Variants in EPN2 observed in about 807,000 individuals in gnomAD.
EPN2 encodes the protein epsin-2.
A neutral mutation model predicts 61.7 loss-of-function variants in EPN2; 34 were observed. That is an observed-to-expected ratio of 0.55 (90% confidence interval 0.42 to 0.73). The LOEUF (loss-of-function observed/expected upper bound fraction) is 0.73, where lower values mean the gene tolerates loss of function less well. Ranked by LOEUF, EPN2 falls within the 30% of genes least tolerant of loss-of-function variation. The probability of loss-of-function intolerance (pLI) is 0.00; values close to 1 mark genes in which losing one functional copy is unlikely to be tolerated. For missense variants in EPN2, 714 were observed against 839.2 expected (o/e 0.85, Z 1.84); for synonymous variants, 349 against 353.6 (o/e 0.99, Z 0.15).
chr17:19,329,477 C>T, intron 8 of EPN2, 84 bp from the exon 9 acceptor site: 2 of 771,800 alleles, frequency 2.6e-6, no homozygotes, highest in Middle Eastern at 2.4e-4. Flanking sequence ...GTTGCCAGCC[C>T]ATCCTGAGGG....
intron 4 of EPN2, chr17:19,297,286 G>A (rs559776418): frequency 6.6e-6 from 1 of 152,354 alleles, no homozygotes; most frequent in Non-Finnish European, 1.5e-5. Flanking sequence ...AGGAACTGAA[G>A]GCCAGGGCAA....
rs1249158430 is a variant in EPN2, at chr17:19,335,280, T to C, written c.*1026T>C. The C allele has an allele frequency of 1.1e-6, 1 of 934,326 alleles. No homozygotes were observed. Among genetic ancestry groups the C allele is most frequent in the Non-Finnish European group, 1.5e-6 (1 of 645,212 alleles). 57.9% of individuals were successfully genotyped at this position (934,326 alleles called of 1,614,324 possible). A position where few individuals can be genotyped will look rare whatever the true frequency, so the allele number is the denominator to read the frequency against. The stretch of plus-strand genomic sequence containing the variant: ...TAAACTGATTGACTTTCAGCCTTTT[T>C]GGCTAGATCCTGAGAGGCTATTTTT... On this transcript the variant is annotated 3_prime_UTR_variant, in exon 11 of 11. Transcript: ENST00000314728.
rs192322571 is a variant in EPN2 at position 19,296,438 on chromosome 17, A to T, written c.766+10648A>T. On this transcript the variant is annotated intron_variant, in intron 4 of 10. Coordinates refer to ENST00000314728, the MANE Select transcript of EPN2 (RefSeq NM_014964.5). The stretch of plus-strand genomic sequence containing the variant: ...AGTGCTGGGATTACAGACGTGAGCC[A>T]CTGCGCCTGGCTCCTGCTAGATTTT... Among the ~76,000 whole-genome samples the T allele has an allele frequency of 1.1e-3, 169 of 152,276 alleles. 1 individual carries two copies. Among genetic ancestry groups the T allele is most frequent in the Non-Finnish European group, 3.5e-4 (24 of 68,012 alleles).
chr17:19,309,784 G>C lies in EPN2; in HGVS notation c.767-101G>C, dbSNP rs1906027178. 7 of 851,806 alleles carry C rather than the reference G, an allele frequency of 8.2e-6. No homozygotes were observed. The South Asian group carries it at 9.6e-5, about 12-fold the overall frequency. 52.8% of individuals were successfully genotyped at this position (851,806 alleles called of 1,614,324 possible). On this transcript the variant is annotated intron_variant, in intron 4 of 10. Coordinates refer to ENST00000314728, the MANE Select transcript of EPN2 (RefSeq NM_014964.5). ...TGTTGGGCTACTGCTGGACCTTGCG[G>C]GTTTGAGATGGGAATGGAATGTGGT...
At chr17:19,295,402 C>T (rs1244048338) in intron 4 of EPN2, among the ~76,000 whole-genome samples, 4 of 150,758 alleles carry the variant, frequency 2.7e-5, no homozygotes, top group African/African-American at 9.8e-5. Context: ...TGTAGTGGTG[C>T]ATGCCTGTAG....
At chr17:19,260,137 A>G (rs2045125299) in intron 1 of EPN2, among the ~76,000 whole-genome samples, 1 of 152,208 alleles carries the variant, frequency 6.6e-6, no homozygotes, top group Non-Finnish European at 1.5e-5. Context: ...AGGTAGCAGG[A>G]AAGCAGAAGC....
intron 1 of EPN2, among the ~76,000 whole-genome samples, chr17:19,266,564 G>A (rs916698920): frequency 1.3e-5 from 2 of 151,814 alleles, no homozygotes; most frequent in Non-Finnish European, 2.9e-5. Flanking sequence ...TACCACGCCT[G>A]GCTAATTTTT....
chr17:19,242,282 A>G (rs2044893142), intron 1 of EPN2, among the ~76,000 whole-genome samples: 1 of 152,230 alleles, frequency 6.6e-6, no homozygotes, highest in African/African-American at 2.4e-5. Context: ...TGACCAAAAA[A>G]ATACAAAAAT....
chr17:19,293,181 C>G (rs1302958765), intron 4 of EPN2, among the ~76,000 whole-genome samples: 1 of 151,894 alleles, frequency 6.6e-6, no homozygotes, highest in Non-Finnish European at 1.5e-5. Context: ...GAGTTCGAGG[C>G]CAGCTTGGCC....
chr17:19,257,279 A>G (rs1395406267), intron 1 of EPN2, among the ~76,000 whole-genome samples: 1 of 152,068 alleles, frequency 6.6e-6, no homozygotes, highest in African/African-American at 2.4e-5. Context: ...TGTAAAAGTC[A>G]GGTCTACCAA....
intron 1 of EPN2, among the ~76,000 whole-genome samples, chr17:19,269,391 T>C (rs1301825878): frequency 6.6e-6 from 1 of 152,238 alleles, no homozygotes; most frequent in Non-Finnish European, 1.5e-5. Flanking sequence ...CTGAGTGGTA[T>C]TTCAGATGAC....
At chr17:19,313,074 A>G (rs766400271) in intron 6 of EPN2, 31 bp from the exon 7 acceptor site, 1 of 1,606,314 alleles carries the variant, frequency 6.2e-7, no homozygotes, top group Non-Finnish European at 8.5e-7. Context: ...GTAGCATAGT[A>G]AAACCTGTCC....
intron 1 of EPN2, among the ~76,000 whole-genome samples, chr17:19,278,307 A>G (rs1781274671): frequency 6.6e-6 from 1 of 152,090 alleles, no homozygotes; most frequent in African/African-American, 2.4e-5. Context: ...TTTTCACACT[A>G]CTGATAAAGA....
Position 19,335,430 on chromosome 17 carries a change from G to C in EPN2, c.*1176G>C. On this transcript the variant is annotated 3_prime_UTR_variant, in exon 11 of 11. Transcript: ENST00000314728. ...GCATGCAGGGATTAACAGGACTTCTGTTTACAATGGAAATCTGAAATGGAA... is the reference window on the plus strand; with the variant it reads ...GCATGCAGGGATTAACAGGACTTCTCTTTACAATGGAAATCTGAAATGGAA... 6.5e-7 allele frequency: 1 copy of C among 1,549,822 alleles called. No homozygotes were observed. The highest frequency in any genetic ancestry group is 8.7e-7 in the Non-Finnish European group (1 of 1,146,568).
At position 19,309,867 on chromosome 17, in the gene EPN2, C is replaced by G. The variant is rs760169494; in HGVS notation, c.767-18C>G. On this transcript the variant is annotated intron_variant, in intron 4 of 10. Coordinates refer to ENST00000314728, the MANE Select transcript of EPN2 (RefSeq NM_014964.5). ...CAGCCTTGTCTTTTGCATATGATGACTTGGTCTTCCCCAACAGCCACCTCC... is the reference window on the plus strand; with the variant it reads ...CAGCCTTGTCTTTTGCATATGATGAGTTGGTCTTCCCCAACAGCCACCTCC... 1 of 1,597,726 alleles carries G rather than the reference C, an allele frequency of 6.3e-7. No individual in the cohort carries two copies.
At chr17:19,255,001 A>G (rs903357629) in intron 1 of EPN2, among the ~76,000 whole-genome samples, 2 of 152,282 alleles carry the variant, frequency 1.3e-5, no homozygotes, top group Admixed American at 6.5e-5. Flanking sequence ...GTTTCAGCTA[A>G]GAGTTTGTTT....
intron 7 of EPN2, among the ~76,000 whole-genome samples, chr17:19,317,987 C>T (rs530771180): frequency 1.4e-3 from 216 of 152,360 alleles, no homozygotes; most frequent in African/African-American, 4.9e-3. Flanking sequence ...AAGGAGGTCA[C>T]ACTGGCCACG....
chr17:19,313,372 G>C, intron 7 of EPN2, 93 bp downstream of exon 7: 1 of 1,224,790 alleles, frequency 8.2e-7, no homozygotes, highest in East Asian at 2.8e-5. Flanking sequence ...ACTTGGGTCT[G>C]GTCGATTGTG....
intron 1 of EPN2, among the ~76,000 whole-genome samples, chr17:19,272,142 G>A (rs1322451027): frequency 6.6e-6 from 1 of 152,194 alleles, no homozygotes; most frequent in Non-Finnish European, 1.5e-5. Flanking sequence ...AGCCATCAAA[G>A]GCTCCCGTTC....
Sources: gnomAD v4.1 joint callset for allele counts (sites outside exome capture counted in the v4.1 genomes callset) on GRCh38, gnomAD v4.1.1 for gene constraint, MANE v1.5 for transcripts, NCBI Gene and HGNC (gene_info 2026-07-23, HGNC 2026-07-21) for gene names.